The following ADAMTS19 variants were observed in gnomAD, a reference collection of about 807,000 sequenced individuals.
ADAMTS19 encodes the protein A disintegrin and metalloproteinase with thrombospondin motifs 19.
In ADAMTS19, 93 loss-of-function variants were observed where a neutral mutation model predicts 153.3. The ratio of observed to expected loss-of-function variants is 0.61; its 90% CI spans 0.51 to 0.72. ADAMTS19 has a LOEUF of 0.72. Among genes scored for constraint, ADAMTS19 ranks in the 30% least tolerant of loss-of-function variants. ADAMTS19 has a pLI of 0.00. For synonymous variants in ADAMTS19, 600 were observed against 556.6 expected, an observed-to-expected ratio of 1.08 and a Z score of -1.10; for missense variants, 1,482 against 1,552.1, an observed-to-expected ratio of 0.95 and a Z score of 0.76.
chr5:129,613,052 C>T (rs978647582), intron 8 of ADAMTS19, among the ~76,000 whole-genome samples: 4 of 152,048 alleles, frequency 2.6e-5, no homozygotes, highest in African/African-American at 4.8e-5. Flanking sequence ...CCTTAGAGAC[C>T]TACAAAGAGA....
chr5:129,526,942 C>A (rs974672239), intron 4 of ADAMTS19, among the ~76,000 whole-genome samples: 1 of 151,560 alleles, frequency 6.6e-6, no homozygotes, highest in Non-Finnish European at 1.5e-5. Context: ...ACAAAAGGAC[C>A]ATAGGTTAAT....
intron 2 of ADAMTS19, among the ~76,000 whole-genome samples, chr5:129,468,968 G>T (rs1237596904): frequency 6.6e-6 from 1 of 151,906 alleles, no homozygotes; most frequent in Non-Finnish European, 1.5e-5. Flanking sequence ...GTAGAGGTGG[G>T]GTTTTGCCAT....
chr5:129,709,917 T>G (rs1289866941), intron 21 of ADAMTS19, among the ~76,000 whole-genome samples: 2 of 152,156 alleles, frequency 1.3e-5, no homozygotes, highest in African/African-American at 4.8e-5. Context: ...ATTAATAGGC[T>G]GTAGGCTCAT....
chr5:129,585,350 T>C (rs1235747702), intron 7 of ADAMTS19, among the ~76,000 whole-genome samples: 1 of 152,004 alleles, frequency 6.6e-6, no homozygotes, highest in Non-Finnish European at 1.5e-5. Flanking sequence ...TCGGCCATCT[T>C]GCCAGCAACC....
At chr5:129,569,619 A>G (rs1753828230) in intron 7 of ADAMTS19, among the ~76,000 whole-genome samples, 2 of 152,120 alleles carry the variant, frequency 1.3e-5, no homozygotes, top group Admixed American at 6.6e-5. Context: ...CAAACAAAGT[A>G]TATTCCTGGG....
intron 3 of ADAMTS19, among the ~76,000 whole-genome samples, chr5:129,515,947 T>G (rs1751591460): frequency 6.6e-6 from 1 of 151,994 alleles, no homozygotes; most frequent in African/African-American, 2.4e-5. Flanking sequence ...TTTATTATGT[T>G]GATGTATGTT....
At position 129,619,844 on chromosome 5, in the gene ADAMTS19, G is replaced by A. The variant is rs1227527510; in HGVS notation, c.1479-774G>A. 2.0e-5 allele frequency among the ~76,000 whole-genome samples: 3 copies of A among 151,910 alleles called. No individual in the cohort carries two copies. In the South Asian group the frequency reaches 6.2e-4, roughly 31 times the overall value. Reference sequence around the variant, plus strand: ...TGCCTCTAACAGTAAACAAAATAGAGGCTATGTGATAATTCAGGAAAGGAA... The same window carrying A: ...TGCCTCTAACAGTAAACAAAATAGAAGCTATGTGATAATTCAGGAAAGGAA... On this transcript the variant is annotated intron_variant, in intron 8 of 22. Coordinates refer to ENST00000274487, the MANE Select transcript of ADAMTS19 (RefSeq NM_133638.6).
At chr5:129,488,692 A>G (rs571408381) in intron 2 of ADAMTS19, among the ~76,000 whole-genome samples, 1 of 152,230 alleles carries the variant, frequency 6.6e-6, no homozygotes, top group African/African-American at 2.4e-5. Flanking sequence ...TGATTTATAC[A>G]TTTGATTATA....
intron 7 of ADAMTS19, among the ~76,000 whole-genome samples, chr5:129,560,736 A>G (rs761216543): frequency 6.6e-6 from 1 of 152,246 alleles, no homozygotes; most frequent in Non-Finnish European, 1.5e-5. Flanking sequence ...TTATACATAC[A>G]TATGTTTATA....
chr5:129,544,031 C>T (rs1382328568), intron 6 of ADAMTS19, among the ~76,000 whole-genome samples: 3 of 152,086 alleles, frequency 2.0e-5, no homozygotes, highest in Non-Finnish European at 4.4e-5. Context: ...ACATTACTCT[C>T]GTAATTGAGT....
At chr5:129,502,397 C>A (rs1751134480) in intron 2 of ADAMTS19, among the ~76,000 whole-genome samples, 1 of 152,112 alleles carries the variant, frequency 6.6e-6, no homozygotes, top group African/African-American at 2.4e-5. Flanking sequence ...AATTGGGAAG[C>A]CTACACTCTA....
chr5:129,711,697 T>G (rs1756483737), intron 21 of ADAMTS19, among the ~76,000 whole-genome samples: 3 of 151,908 alleles, frequency 2.0e-5, no homozygotes, highest in Admixed American at 1.3e-4. Context: ...CAAAAATTCT[T>G]TAGGCTAGCA....
intron 14 of ADAMTS19, among the ~76,000 whole-genome samples, chr5:129,658,339 A>G (rs797004246): frequency 0.011 from 1,165 of 108,798 alleles, 55 homozygotes; most frequent in African/African-American, 0.047. Context: ...GAAAGAAAGA[A>G]AGAAAGAAAG....
intron 3 of ADAMTS19, among the ~76,000 whole-genome samples, chr5:129,513,297 C>A (rs1387213740): frequency 6.6e-6 from 1 of 151,580 alleles, no homozygotes; most frequent in Non-Finnish European, 1.5e-5. Context: ...AATATTTTGC[C>A]TGTCATCTCT....
intron 20 of ADAMTS19, among the ~76,000 whole-genome samples, chr5:129,702,941 AATATATATATATATATAT>A (rs59614056): frequency 3.4e-5 from 1 of 29,308 alleles, no homozygotes; most frequent in African/African-American, 8.5e-5. Context: ...AAAAAAAAAA[AATATATATATATATATAT>A]ATATATATAT....
chr5:129,723,991 G>A (rs1757107851), intron 21 of ADAMTS19, among the ~76,000 whole-genome samples: 1 of 152,218 alleles, frequency 6.6e-6, no homozygotes, highest in Admixed American at 6.5e-5. Flanking sequence ...ATCAATAGAA[G>A]GGAGTGTGTC....
intron 17 of ADAMTS19, among the ~76,000 whole-genome samples, chr5:129,683,826 G>T (rs1039694440): frequency 6.7e-6 from 1 of 149,856 alleles, no homozygotes; most frequent in Admixed American, 6.7e-5. Flanking sequence ...CAAATTGAAA[G>T]AAAATGATCT....
At chr5:129,504,651 T>G (rs1751210040) in intron 2 of ADAMTS19, among the ~76,000 whole-genome samples, 2 of 152,230 alleles carry the variant, frequency 1.3e-5, no homozygotes, top group Non-Finnish European at 2.9e-5. Flanking sequence ...TTAACCAACA[T>G]CTTCCCAAAC....
At position 129,610,878 on chromosome 5, in the gene ADAMTS19, A is replaced by G. The variant is rs1040661005; in HGVS notation, c.1479-9740A>G. 1.2e-4 allele frequency among the ~76,000 whole-genome samples: 18 copies of G among 152,168 alleles called. No individual in the cohort carries two copies. The East Asian group carries it at 2.5e-3, about 21-fold the overall frequency. On this transcript the variant is annotated intron_variant, in intron 8 of 22. Coordinates refer to ENST00000274487, the MANE Select transcript of ADAMTS19 (RefSeq NM_133638.6). ...AGGAATCGCCACACTGTCTTCCACA[A>G]TGGTTGAACTAGTTTACAGTCCCAC... is the stretch of plus-strand genomic sequence containing the variant.
Sources: allele counts gnomAD v4.1 joint callset (sites outside exome capture counted in the v4.1 genomes callset), GRCh38; gene constraint gnomAD v4.1.1; transcripts MANE v1.5; gene names NCBI Gene and HGNC (gene_info 2026-07-23, HGNC 2026-07-21).